The following BNC2 variants were observed in gnomAD, a reference collection of about 807,000 sequenced individuals.
BNC2 encodes basonuclin zinc finger protein 2.
Under a neutral mutation model 76.3 loss-of-function variants are expected in BNC2, and 20 were observed. The ratio of observed to expected loss-of-function variants is 0.26; its 90% confidence interval spans 0.18 to 0.38. The LOEUF is 0.38. Ranked by LOEUF, BNC2 falls within the 10% of genes least tolerant of loss-of-function variation. BNC2 has a pLI of 1.00. For missense variants in BNC2, 1,382 were observed against 1,399.8 expected (o/e 0.99, Z 0.20); for synonymous variants, 582 against 514.8 (o/e 1.13, Z -1.77).
chr9:16,442,446 A>C (rs1395032593), intron 5 of BNC2, among the ~76,000 whole-genome samples: 2 of 152,204 alleles, frequency 1.3e-5, no homozygotes, highest in South Asian at 2.1e-4. Context: ...TGTAGGATCA[A>C]ATGCATGGTT....
intron 3 of BNC2, among the ~76,000 whole-genome samples, chr9:16,718,283 G>A (rs1824049471): frequency 1.3e-5 from 2 of 152,194 alleles, no homozygotes; most frequent in African/African-American, 2.4e-5. Flanking sequence ...GCTGGCTACT[G>A]AAACAAGCTC....
chr9:16,449,841 C>T (rs1013051443), intron 5 of BNC2, among the ~76,000 whole-genome samples: 1 of 79,652 alleles, frequency 1.3e-5, no homozygotes. Flanking sequence ...AAAGGTGGGG[C>T]GGGGGGGGAG....
chr9:16,844,965 G>C lies in BNC2; in HGVS notation c.3+25681C>G, dbSNP rs1283540181. 3.3e-5 allele frequency among the ~76,000 whole-genome samples: 5 copies of C among 152,132 alleles called. No individual in the cohort carries two copies. The South Asian group carries it at 6.2e-4, about 19-fold the overall frequency. On this transcript the variant is annotated intron_variant, in intron 1 of 6. Transcript: ENST00000380672. ...GCAGCCCCCCAGTTGAGTCATTTGT[G>C]ACAAACAAAACATCGCCCAAGATTT...
At chr9:16,832,549 C>A (rs1310228404) in intron 1 of BNC2, among the ~76,000 whole-genome samples, 1 of 152,072 alleles carries the variant, frequency 6.6e-6, no homozygotes, top group Non-Finnish European at 1.5e-5. Flanking sequence ...GAATCCGAAC[C>A]CAAGTTCTAT....
chr9:16,604,214 T>C (rs756892279), intron 3 of BNC2, among the ~76,000 whole-genome samples: 16 of 152,152 alleles, frequency 1.1e-4, no homozygotes, highest in Non-Finnish European at 1.8e-4. Context: ...CCCATCTTAA[T>C]TAGAACCTCT....
At chr9:16,427,517 A>T (rs937868769) in intron 6 of BNC2, among the ~76,000 whole-genome samples, 1 of 152,214 alleles carries the variant, frequency 6.6e-6, no homozygotes, top group Non-Finnish European at 1.5e-5. Flanking sequence ...TGTCTTAAAC[A>T]TTTTGCAGCT....
intron 3 of BNC2, chr9:16,685,598 C>T (rs1822952447): frequency 7.7e-7 from 1 of 1,304,292 alleles, no homozygotes; most frequent in Non-Finnish European, 1.0e-6. Flanking sequence ...AAGTCTGCCC[C>T]CAGCACTCTG....
intron 5 of BNC2, among the ~76,000 whole-genome samples, chr9:16,452,701 C>T (rs760158832): frequency 9.9e-5 from 15 of 152,028 alleles, no homozygotes; most frequent in African/African-American, 1.4e-4. Flanking sequence ...TGAGCCACCA[C>T]GCCTGGCAGA....
At chr9:16,803,505 T>TC (rs1817832419) in intron 1 of BNC2, among the ~76,000 whole-genome samples, 1 of 152,144 alleles carries the variant, frequency 6.6e-6, no homozygotes, top group African/African-American at 2.4e-5. Flanking sequence ...AAGACAACCT[T>TC]CCTTTAAATG....
intron 3 of BNC2, among the ~76,000 whole-genome samples, chr9:16,695,856 G>C (rs1428189535): frequency 1.2e-5 from 1 of 85,314 alleles, no homozygotes; most frequent in African/African-American, 2.9e-5. Context: ...AACATCTCGA[G>C]CTAAACAAGC....
At chr9:16,714,232 C>CAT (rs1823934296) in intron 3 of BNC2, among the ~76,000 whole-genome samples, 1 of 152,212 alleles carries the variant, frequency 6.6e-6, no homozygotes, top group Non-Finnish European at 1.5e-5. Flanking sequence ...AATAGCCTAG[C>CAT]ATATGTAACA....
chr9:16,644,449 T>C (rs75691345), intron 3 of BNC2, among the ~76,000 whole-genome samples: 1,563 of 152,258 alleles, frequency 0.01, 22 homozygotes, highest in African/African-American at 0.035. Context: ...AAGCTGGTAC[T>C]ATCTAATCAT....
At chr9:16,683,421 G>T (rs773979549) in intron 3 of BNC2, among the ~76,000 whole-genome samples, 9 of 152,154 alleles carry the variant, frequency 5.9e-5, no homozygotes, top group Non-Finnish European at 1.0e-4. Context: ...TGAGGTGTAC[G>T]GAAGGTTATT....
At chr9:16,549,895 C>T (rs1818606517) in intron 5 of BNC2, among the ~76,000 whole-genome samples, 1 of 152,056 alleles carries the variant, frequency 6.6e-6, no homozygotes. Context: ...AAACCTAGAA[C>T]TCCTCTAATG....
chr9:16,742,532 A>G (rs941936339), intron 1 of BNC2, among the ~76,000 whole-genome samples: 5 of 147,880 alleles, frequency 3.4e-5, no homozygotes, highest in Non-Finnish European at 5.9e-5. Flanking sequence ...AGACAAAGAC[A>G]TTCATCTACT....
chr9:16,456,216 T>C (rs1195026053), intron 5 of BNC2, among the ~76,000 whole-genome samples: 3 of 152,196 alleles, frequency 2.0e-5, no homozygotes, highest in African/African-American at 7.2e-5. Context: ...TGTAATTACC[T>C]ACCAAGTCAG....
chr9:16,679,578 T>A (rs2134275916), intron 3 of BNC2, among the ~76,000 whole-genome samples: 1 of 152,336 alleles, frequency 6.6e-6, no homozygotes, highest in South Asian at 2.1e-4. Context: ...CTCAGCTTCC[T>A]GTGCAGCGCT....
chr9:16,859,734 G>A (rs1275331217), intron 1 of BNC2, among the ~76,000 whole-genome samples: 1 of 152,134 alleles, frequency 6.6e-6, no homozygotes, highest in Non-Finnish European at 1.5e-5. Flanking sequence ...GTTATTCAAA[G>A]GTTAAAAAAT....
chr9:16,811,513 T>C (rs1321508770), intron 1 of BNC2, among the ~76,000 whole-genome samples: 13 of 131,958 alleles, frequency 9.9e-5, no homozygotes, highest in Non-Finnish European at 1.7e-4. Context: ...GATCGAGCCA[T>C]TGCACTCCAG....
Sources: gnomAD v4.1 joint callset for allele counts (sites outside exome capture counted in the v4.1 genomes callset) on GRCh38, gnomAD v4.1.1 for gene constraint, MANE v1.5 for transcripts, NCBI Gene and HGNC (gene_info 2026-07-23, HGNC 2026-07-21) for gene names.